The following ANXA4 variants were observed in gnomAD, a reference collection of about 807,000 sequenced individuals.
ANXA4 encodes the protein annexin A4, also known as 35-beta calcimedin.
ANXA4 carries 39 observed loss-of-function variants against 49.8 expected under a neutral mutation model. The ratio of observed to expected loss-of-function variants is 0.78; its 90% CI spans 0.61 to 1.02. ANXA4 has a LOEUF of 1.02. Ranked by LOEUF, ANXA4 falls within the 50% of genes least tolerant of loss-of-function variation. ANXA4 has a pLI of 0.00. For synonymous variants in ANXA4, 134 were observed against 152.5 expected (o/e 0.88, Z 0.89); for missense variants, 360 against 410.1 (o/e 0.88, Z 1.05).
At chr2:69,673,500 G>T (rs183454486) in intron 2 of ANXA4, among the ~76,000 whole-genome samples, 1 of 150,888 alleles carries the variant, frequency 6.6e-6, no homozygotes, top group African/African-American at 2.4e-5. Flanking sequence ...CTGGGGTTGG[G>T]GGTTGGGGAT....
chr2:69,727,343 G>A (rs1283200821), intron 3 of ANXA4, among the ~76,000 whole-genome samples: 1 of 152,178 alleles, frequency 6.6e-6, no homozygotes, highest in East Asian at 1.9e-4. Context: ...GTTTCTCAGT[G>A]TGGTTCTACC....
intron 2 of ANXA4, among the ~76,000 whole-genome samples, chr2:69,719,941 G>C (rs1332993000): frequency 1.3e-5 from 2 of 152,082 alleles, no homozygotes; most frequent in African/African-American, 4.8e-5. Context: ...TTTACCAATT[G>C]GCAATAAGCT....
chr2:69,670,748 G>A (rs149407138), intron 2 of ANXA4, among the ~76,000 whole-genome samples: 2 of 152,156 alleles, frequency 1.3e-5, no homozygotes, highest in East Asian at 1.9e-4. Context: ...TCAGGGTCAG[G>A]CGTGATGGCT....
chr2:69,787,130 C>A (rs1672450518), intron 2 of ANXA4, among the ~76,000 whole-genome samples: 1 of 152,174 alleles, frequency 6.6e-6, no homozygotes, highest in Non-Finnish European at 1.5e-5. Context: ...ATAGATTAAA[C>A]CTCTTTTAAA....
At chr2:69,680,650 G>T (rs1266148498) in intron 2 of ANXA4, among the ~76,000 whole-genome samples, 1 of 152,044 alleles carries the variant, frequency 6.6e-6, no homozygotes, top group African/African-American at 2.4e-5. Context: ...TGTCCTATAT[G>T]GCCTTTAGTA....
At chr2:69,749,742 TG>T (rs1170177096) in intron 1 of ANXA4, among the ~76,000 whole-genome samples, 1 of 150,880 alleles carries the variant, frequency 6.6e-6, no homozygotes, top group Non-Finnish European at 1.5e-5. Flanking sequence ...CTAGCCAACA[TG>T]GTAAAACCCC....
rs67161210 is a variant in ANXA4, at chr2:69,773,621, C to CTT, written c.-46-7876_-46-7875dup. On this transcript the variant is annotated intron_variant, in intron 1 of 12. Transcript: ENST00000394295. ...TTCTTTTCTTTTCTTTTCTTTCCTTCTTTTTTTTTTTTTTTTTTTTTTTTG... is the reference window on the plus strand; with the variant it reads ...TTCTTTTCTTTTCTTTTCTTTCCTTCTTTTTTTTTTTTTTTTTTTTTTTTTTG... 7.7e-3 allele frequency among the ~76,000 whole-genome samples: 718 copies of CTT among 93,140 alleles called. 15 individuals carry two copies. The highest frequency in any genetic ancestry group is 0.014 in the African/African-American group (315 of 22,840). 61.1% of individuals were successfully genotyped at this position (93,140 alleles called of 152,430 possible).
intron 3 of ANXA4, among the ~76,000 whole-genome samples, chr2:69,798,550 T>G (rs958339757): frequency 1.3e-5 from 2 of 152,174 alleles, no homozygotes; most frequent in Non-Finnish European, 2.9e-5. Context: ...TCCAGCCCCA[T>G]ACAACAACCA....
Position 69,808,007 on chromosome 2 carries a change from T to C in ANXA4, c.397+11T>C. Reference sequence around the variant, plus strand: ...AAACCTACCAGCAGCGTACGTGACATCCGCAGTGGCCCTGGCTGAGGTTTC... The same window carrying C: ...AAACCTACCAGCAGCGTACGTGACACCCGCAGTGGCCCTGGCTGAGGTTTC... On this transcript the variant is annotated intron_variant, in intron 6 of 12. Transcript: ENST00000394295. The C allele has an allele frequency of 6.2e-7, 1 of 1,613,440 alleles. No homozygotes were observed. Among genetic ancestry groups the C allele is most frequent in the Non-Finnish European group, 8.5e-7 (1 of 1,179,404 alleles).
chr2:69,748,702 C>A (rs969293928), intron 1 of ANXA4, among the ~76,000 whole-genome samples: 5 of 147,608 alleles, frequency 3.4e-5, no homozygotes, highest in African/African-American at 1.2e-4. Context: ...TGCTTGTATA[C>A]CCTACTTCTT....
intron 8 of ANXA4, among the ~76,000 whole-genome samples, chr2:69,813,754 CTCTCTTT>C (rs1392390057): frequency 5.3e-5 from 7 of 131,802 alleles, no homozygotes; most frequent in Admixed American, 7.8e-5. Flanking sequence ...CTCTCTCTCT[CTCTCTTT>C]TTTTTTTTTT....
chr2:69,785,145 A>C (rs1672361973), intron 2 of ANXA4, among the ~76,000 whole-genome samples: 1 of 152,172 alleles, frequency 6.6e-6, no homozygotes, highest in South Asian at 2.1e-4. Flanking sequence ...CCAAGTGCCA[A>C]ATGCTTACCA....
At chr2:69,654,055 G>A (rs1455579669) in intron 2 of ANXA4, among the ~76,000 whole-genome samples, 1 of 152,160 alleles carries the variant, frequency 6.6e-6, no homozygotes, top group Non-Finnish European at 1.5e-5. Context: ...AATTGTGAAT[G>A]GGAGTTCACT....
rs1412147291 is a variant in ANXA4, at chr2:69,813,756, C to CT, written c.534+1048dup. Among the ~76,000 whole-genome samples, 428 of 84,644 alleles carry CT rather than the reference C, an allele frequency of 5.1e-3. 10 individuals are homozygous for CT. The highest frequency in any genetic ancestry group is 0.026 in the East Asian group (53 of 2,000). 55.5% of individuals were successfully genotyped at this position (84,644 alleles called of 152,430 possible). On this transcript the variant is annotated intron_variant, in intron 8 of 12. Transcript: ENST00000394295. ...CCCAGTATTCTCTCTCTCTCTCTCTCTCTTTTTTTTTTTTTTTTTTTGAGA... is the reference window on the plus strand; with the variant it reads ...CCCAGTATTCTCTCTCTCTCTCTCTCTTCTTTTTTTTTTTTTTTTTTTGAGA...
intron 2 of ANXA4, among the ~76,000 whole-genome samples, chr2:69,720,229 C>T (rs971510617): frequency 6.6e-6 from 1 of 152,238 alleles, no homozygotes; most frequent in East Asian, 1.9e-4. Context: ...TAATCTCTGC[C>T]TTCAATTTTC....
At chr2:69,774,488 G>A (rs186576006) in intron 1 of ANXA4, among the ~76,000 whole-genome samples, 9 of 151,712 alleles carry the variant, frequency 5.9e-5, no homozygotes, top group East Asian at 3.9e-4. Context: ...ACAGGCACCC[G>A]CCACCATGCC....
In ANXA4 at chr2:69,825,825, A is replaced by G. The variant is rs923347365; in HGVS notation, c.*310A>G. ...GTTTCACAGACATTGAATATATTAA[A>G]TTATTCCATATTTTCTTTTCAGTGA... On this transcript the variant is annotated 3_prime_UTR_variant, in exon 13 of 13. Transcript: ENST00000394295. 8 of 208,582 alleles carry G rather than the reference A, an allele frequency of 3.8e-5. No homozygotes were observed. Among genetic ancestry groups the G allele is most frequent in the Admixed American group, 5.8e-5 (1 of 17,100 alleles). The allele number at this position is 208,582 out of a possible 1,614,324, so 12.9% of individuals were successfully genotyped here.
intron 2 of ANXA4, among the ~76,000 whole-genome samples, chr2:69,718,828 A>C (rs1397120796): frequency 6.6e-6 from 1 of 152,084 alleles, no homozygotes; most frequent in African/African-American, 2.4e-5. Context: ...ACACATGCAC[A>C]CACATATACA....
intron 2 of ANXA4, among the ~76,000 whole-genome samples, chr2:69,711,766 A>T (rs1678685117): frequency 6.6e-6 from 1 of 152,098 alleles, no homozygotes; most frequent in Admixed American, 6.5e-5. Flanking sequence ...GAACCTGAAA[A>T]CAGATTGGGG....
Sources: allele counts gnomAD v4.1 joint callset (sites outside exome capture counted in the v4.1 genomes callset), GRCh38; gene constraint gnomAD v4.1.1; transcripts MANE v1.5; gene names NCBI Gene and HGNC (gene_info 2026-07-23, HGNC 2026-07-21).